The following AFG3L2 variants were observed in gnomAD, a reference collection of about 807,000 sequenced individuals.
AFG3L2 encodes the protein AFG3 like matrix AAA peptidase subunit 2.
Under a neutral mutation model 94.5 loss-of-function variants are expected in AFG3L2, and 54 were observed. The observed-to-expected ratio is 0.57, with a 90% CI of 0.46 to 0.72. AFG3L2 has a LOEUF of 0.72. AFG3L2 is among the 30% of genes least tolerant of loss of function. AFG3L2 has a pLI of 0.00. For synonymous variants in AFG3L2, 377 were observed against 365.5 expected (o/e 1.03, Z -0.36); for missense variants, 754 against 994.9 (o/e 0.76, Z 3.26).
intron 6 of AFG3L2, among the ~76,000 whole-genome samples, chr18:12,362,435 G>C (rs1908688852): frequency 6.6e-6 from 1 of 152,156 alleles, no homozygotes; most frequent in Non-Finnish European, 1.5e-5. Context: ...AACAACATCA[G>C]CATTTCAGGC....
At chr18:12,351,481 G>T in intron 10 of AFG3L2, 68 bp from the exon 11 acceptor site, 1 of 1,296,108 alleles carries the variant, frequency 7.7e-7, no homozygotes, top group Non-Finnish European at 1.1e-6. Context: ...GCACCATCAG[G>T]AACATATGAG....
chr18:12,339,836 G>C (rs558584421), intron 15 of AFG3L2, among the ~76,000 whole-genome samples: 9 of 139,986 alleles, frequency 6.4e-5, no homozygotes, highest in Non-Finnish European at 9.2e-5. Flanking sequence ...GCAAGAGTGC[G>C]AGGCTCAGTC....
chr18:12,363,722 G>T, intron 6 of AFG3L2, 60 bp downstream of exon 6: 1 of 1,404,440 alleles, frequency 7.1e-7, no homozygotes, highest in Non-Finnish European at 1.0e-6. Context: ...TTTCCTTTCA[G>T]CTTTAAATCT....
intron 15 of AFG3L2, among the ~76,000 whole-genome samples, chr18:12,339,052 G>C (rs1170973130): frequency 2.0e-5 from 3 of 150,634 alleles, no homozygotes; most frequent in Non-Finnish European, 4.4e-5. Context: ...CAGGAGACAA[G>C]ACCATCCTGG....
At chr18:12,359,887 G>C (rs186268023) in intron 7 of AFG3L2, 40 bp downstream of exon 7, 2 of 1,610,090 alleles carry the variant, frequency 1.2e-6, no homozygotes. Flanking sequence ...ACCACAGGCA[G>C]CACAGTCAAC....
At position 12,351,406 on chromosome 18, in the gene AFG3L2, A is replaced by G. The variant is rs1183972525; in HGVS notation, c.1326T>C (p.Asn442=). The change falls in exon 11 of 17, where the codon AAT becomes AAC. Residue 442 remains asparagine (N), a synonymous_variant. Coordinates refer to ENST00000269143, the MANE Select transcript of AFG3L2 (RefSeq NM_006796.3). ...CCAAAATGACGACATTTGTTGTTGT[A>G]TTAAAACCTGAAAGATAACAAAAAT... The part of the protein sequence containing the change: ...NQLLVEMDGF[N]TTTNVVILAG... The G allele has an allele frequency of 2.5e-6, 4 of 1,614,020 alleles. No homozygotes were observed. In the African/African-American group the frequency reaches 5.3e-5, roughly 22 times the overall value.
intron 9 of AFG3L2, among the ~76,000 whole-genome samples, chr18:12,354,428 T>C (rs1236183754): frequency 6.6e-6 from 1 of 152,050 alleles, no homozygotes; most frequent in Non-Finnish European, 1.5e-5. Flanking sequence ...GCTGCCAAAA[T>C]AACTGCTGGA....
At chr18:12,354,761 A>C (rs1908436310) in intron 9 of AFG3L2, among the ~76,000 whole-genome samples, 2 of 151,204 alleles carry the variant, frequency 1.3e-5, no homozygotes, top group Non-Finnish European at 1.5e-5. Context: ...GCAACCCACC[A>C]GGCCCACCCT....
At chr18:12,358,570 C>A in intron 8 of AFG3L2, 100 bp downstream of exon 8, 1 of 1,443,786 alleles carries the variant, frequency 6.9e-7, no homozygotes, top group Non-Finnish European at 9.5e-7. Context: ...AGAGGAAGGA[C>A]AGAAAAACAG....
rs769883388 is a variant in AFG3L2 at position 12,329,664 on chromosome 18, G to C, written c.2295C>G (p.Ser765Arg). 1 of 1,614,166 alleles carries C rather than the reference G, an allele frequency of 6.2e-7. No individual in the cohort carries two copies. The highest frequency in any genetic ancestry group is 1.1e-5 in the South Asian group (1 of 91,080). The change falls in exon 17 of 17, where the codon AGC becomes AGG. Residue 765 changes from serine (S) to arginine (R), a missense_variant. Coordinates refer to ENST00000269143, the MANE Select transcript of AFG3L2 (RefSeq NM_006796.3). ...TYEEFVEGTG[S>R]LDEDTSLPEG... Reference sequence around the variant, plus strand: ...CTGGAAGTGAGGTGTCCTCATCCAAGCTGCCAGTGCCTTCCACAAATTCTT... The same window carrying C: ...CTGGAAGTGAGGTGTCCTCATCCAACCTGCCAGTGCCTTCCACAAATTCTT...
chr18:12,344,661 A>G (rs1227385480), intron 13 of AFG3L2, among the ~76,000 whole-genome samples: 1 of 151,892 alleles, frequency 6.6e-6, no homozygotes, highest in Non-Finnish European at 1.5e-5. Context: ...GCTACAGAGT[A>G]AGAATCCGTC....
At chr18:12,370,674 G>A (rs752910030) in intron 3 of AFG3L2, among the ~76,000 whole-genome samples, 175 bp downstream of exon 3, 2 of 151,918 alleles carry the variant, frequency 1.3e-5, no homozygotes, top group African/African-American at 2.4e-5. Context: ...GCCCAGGCTG[G>A]TCTCAACCTC....
At chr18:12,363,288 A>G (rs968806101) in intron 6 of AFG3L2, among the ~76,000 whole-genome samples, 1 of 152,152 alleles carries the variant, frequency 6.6e-6, no homozygotes, top group Non-Finnish European at 1.5e-5. Context: ...CTGGAAGTAT[A>G]TTCCAGACTG....
At position 12,351,413 on chromosome 18, in the gene AFG3L2, C is replaced by A; in HGVS notation, c.1319G>T (p.Gly440Val). Reference protein sequence around the residue: ...TLNQLLVEMDGFNTTTNVVIL... With the variant: ...TLNQLLVEMDVFNTTTNVVIL... ...GACGACATTTGTTGTTGTATTAAAACCTGAAAGATAACAAAAATGCAAACA... is the reference window on the plus strand; with the variant it reads ...GACGACATTTGTTGTTGTATTAAAAACTGAAAGATAACAAAAATGCAAACA... Residue 440 changes from glycine (G) to valine (V), a missense_variant and splice_region_variant, in exon 11 of 17, where the codon GGT (glycine) becomes GTT (valine). Gly to Val is a moderately radical substitution (Grantham distance 109). This residue lies in a region of AFG3L2 where 109 missense variants were observed against 227.1 expected (regional missense o/e 0.48). Coordinates refer to ENST00000269143, the MANE Select transcript of AFG3L2 (RefSeq NM_006796.3). The A allele has an allele frequency of 1.2e-6, 2 of 1,613,858 alleles. No homozygotes were observed. The highest frequency in any genetic ancestry group is 1.7e-6 in the Non-Finnish European group (2 of 1,179,874).
chr18:12,329,263 A>G lies in AFG3L2; in HGVS notation c.*302T>C, dbSNP rs1183298847. On this transcript the variant is annotated 3_prime_UTR_variant, in exon 17 of 17. Coordinates refer to ENST00000269143, the MANE Select transcript of AFG3L2 (RefSeq NM_006796.3). ...ACGATCCCTGCCACACGGTCAGCCG[A>G]CCCCACTTGGTGCCACAGGGTCCAG... is the stretch of plus-strand genomic sequence containing the variant. 1.4e-6 allele frequency: 1 copy of G among 700,340 alleles called. No homozygotes were observed. The highest frequency in any genetic ancestry group is 2.7e-5 in the East Asian group (1 of 37,248). 43.4% of individuals were successfully genotyped at this position (700,340 alleles called of 1,614,324 possible).
intron 6 of AFG3L2, among the ~76,000 whole-genome samples, chr18:12,360,923 A>G (rs1380788043): frequency 6.6e-6 from 1 of 152,186 alleles, no homozygotes; most frequent in East Asian, 1.9e-4. Context: ...TTAACAGCTC[A>G]CATTTATGGA....
chr18:12,343,960 A>G, intron 14 of AFG3L2, 172 bp downstream of exon 14: 1 of 644,622 alleles, frequency 1.6e-6, no homozygotes, highest in East Asian at 2.7e-5. Context: ...TCCAAATTTT[A>G]TATTTATCTA....
At chr18:12,330,595 T>C (rs1907491039) in intron 16 of AFG3L2, among the ~76,000 whole-genome samples, 1 of 151,908 alleles carries the variant, frequency 6.6e-6, no homozygotes, top group Non-Finnish European at 1.5e-5. Flanking sequence ...CTGGCCAAAA[T>C]GGCAAAACCC....
At chr18:12,362,638 T>C (rs1318540915) in intron 6 of AFG3L2, among the ~76,000 whole-genome samples, 1 of 147,334 alleles carries the variant, frequency 6.8e-6, no homozygotes, top group Non-Finnish European at 1.5e-5. Flanking sequence ...AATGTCAAAA[T>C]CACCCGTAGG....
Sources: allele counts gnomAD v4.1 joint callset (sites outside exome capture counted in the v4.1 genomes callset), GRCh38; gene constraint gnomAD v4.1.1; regional missense constraint gnomAD v4.1.1; transcripts MANE v1.5; gene names NCBI Gene and HGNC (gene_info 2026-07-23, HGNC 2026-07-21).